ZFHX3: variants seen among roughly 807,000 people sequenced by gnomAD.
ZFHX3 encodes the protein zinc finger homeobox protein 3.
A neutral mutation model predicts 279.1 loss-of-function variants in ZFHX3; 42 were observed. The ratio of observed to expected loss-of-function variants is 0.15; its 90% CI spans 0.12 to 0.19. The LOEUF is 0.19. Among genes scored for constraint, ZFHX3 ranks in the 10% least tolerant of loss-of-function variants. The probability of loss-of-function intolerance (pLI) is 1.00; values close to 1 mark genes in which losing one functional copy is unlikely to be tolerated. For synonymous variants in ZFHX3, 2,293 were observed against 1,957.8 expected, an observed-to-expected ratio of 1.17 and a Z score of -4.52; for missense variants, 4,981 against 4,754.0, an observed-to-expected ratio of 1.05 and a Z score of -1.40.
chr16:73,120,484 G>A (rs1050124645), intron 7 of ZFHX3, among the ~76,000 whole-genome samples: 3 of 151,956 alleles, frequency 2.0e-5, no homozygotes, highest in African/African-American at 7.2e-5. Flanking sequence ...CCATTGCCCA[G>A]GCTACTCTCA....
At chr16:73,374,228 C>CAT (rs1034190505) in intron 3 of ZFHX3, among the ~76,000 whole-genome samples, 4 of 152,098 alleles carry the variant, frequency 2.6e-5, no homozygotes, top group African/African-American at 7.2e-5. Flanking sequence ...TATATACAGA[C>CAT]ATATATATAA....
chr16:73,758,233 AATTCATTCATTCATTC>A (rs5817875), intron 1 of ZFHX3, among the ~76,000 whole-genome samples: 3 of 150,722 alleles, frequency 2.0e-5, no homozygotes, highest in East Asian at 1.9e-4. Flanking sequence ...TGTTACTAGA[AATTCATTCATTCATTC>A]ATTCATTCAT....
intron 4 of ZFHX3, among the ~76,000 whole-genome samples, chr16:72,835,985 A>G (rs1597292022): frequency 6.6e-6 from 1 of 152,204 alleles, no homozygotes; most frequent in East Asian, 1.9e-4. Flanking sequence ...GATGACTACT[A>G]AGGCCTAGAC....
intron 2 of ZFHX3, among the ~76,000 whole-genome samples, chr16:73,603,234 A>G (rs35959733): frequency 0.55 from 82,397 of 149,844 alleles, 25,929 homozygotes; most frequent in East Asian, 0.81. Flanking sequence ...GCAGTGAGCC[A>G]AGATTGCGAC....
intron 3 of ZFHX3, among the ~76,000 whole-genome samples, chr16:73,424,240 T>C (rs1388714744): frequency 6.6e-6 from 1 of 152,190 alleles, no homozygotes; most frequent in Non-Finnish European, 1.5e-5. Context: ...TAGTCATGCT[T>C]CCTGACTCAT....
At chr16:73,583,959 G>A (rs1214999607) in intron 2 of ZFHX3, among the ~76,000 whole-genome samples, 1 of 151,822 alleles carries the variant, frequency 6.6e-6, no homozygotes, top group Non-Finnish European at 1.5e-5. Context: ...ACATGAAAGG[G>A]CAAATAAAAA....
chr16:73,705,098 C>T (rs1336177003), intron 1 of ZFHX3, among the ~76,000 whole-genome samples: 2 of 152,248 alleles, frequency 1.3e-5, no homozygotes, highest in South Asian at 2.1e-4. Context: ...AACCTCAAGA[C>T]AAGAGCATAC....
intron 3 of ZFHX3, among the ~76,000 whole-genome samples, chr16:73,424,745 C>T (rs1381889300): frequency 1.4e-4 from 14 of 97,648 alleles, no homozygotes; most frequent in Non-Finnish European, 2.4e-4. Context: ...CAGAGTGATA[C>T]CCTGTGTCAA....
intron 5 of ZFHX3, among the ~76,000 whole-genome samples, chr16:73,205,150 A>G (rs1423559180): frequency 6.6e-6 from 1 of 152,150 alleles, no homozygotes; most frequent in African/African-American, 2.4e-5. Flanking sequence ...TCTTGAGTGA[A>G]GGGCTGAGTC....
In ZFHX3 at chr16:72,793,017, A is replaced by C. The variant is rs2035764724; in HGVS notation, c.9427+238T>G. Among the ~76,000 whole-genome samples, 1 of 152,218 alleles carries C rather than the reference A, an allele frequency of 6.6e-6. No homozygotes were observed. Among genetic ancestry groups the C allele is most frequent in the South Asian group, 2.1e-4 (1 of 4,832 alleles). ...TGCCAGGACCCTCAAGTTTTTCCCTATTATAGGGGATAAGAGTGGTTTCAA... is the reference window on the plus strand; with the variant it reads ...TGCCAGGACCCTCAAGTTTTTCCCTCTTATAGGGGATAAGAGTGGTTTCAA... On this transcript the variant is annotated intron_variant, in intron 9 of 9. Transcript: ENST00000268489. The surrounding 1 kb of genome is among the most constrained non-coding windows in gnomAD (Gnocchi z 4.3).
intron 5 of ZFHX3, among the ~76,000 whole-genome samples, chr16:73,185,848 G>T (rs1169794311): frequency 6.6e-6 from 1 of 152,108 alleles, no homozygotes; most frequent in Non-Finnish European, 1.5e-5. Flanking sequence ...GGCCTGTCAG[G>T]AGCCGGATCA....
At chr16:73,252,678 G>A (rs1314672235) in intron 5 of ZFHX3, among the ~76,000 whole-genome samples, 1 of 152,114 alleles carries the variant, frequency 6.6e-6, no homozygotes, top group African/African-American at 2.4e-5. Context: ...AAGGGGAGGA[G>A]CAGCAAATGT....
chr16:73,319,015 C>T (rs977588884), intron 3 of ZFHX3, among the ~76,000 whole-genome samples: 1 of 151,796 alleles, frequency 6.6e-6, no homozygotes. Context: ...TCGGCCCACA[C>T]GCAGCCTGGC....
At chr16:73,286,561 G>C (rs746819814) in intron 4 of ZFHX3, among the ~76,000 whole-genome samples, 4 of 150,568 alleles carry the variant, frequency 2.7e-5, no homozygotes, top group Non-Finnish European at 5.9e-5. Context: ...GTGTGCGTTG[G>C]TGTGTGGCTG....
intron 5 of ZFHX3, among the ~76,000 whole-genome samples, chr16:73,165,517 A>G (rs1180908873): frequency 2.0e-5 from 3 of 152,178 alleles, no homozygotes; most frequent in Non-Finnish European, 1.5e-5. Context: ...TTGGCAGAAT[A>G]AAATGGCAAA....
chr16:73,461,195 G>A (rs1193232596), intron 2 of ZFHX3, among the ~76,000 whole-genome samples: 3 of 152,044 alleles, frequency 2.0e-5, no homozygotes, highest in Non-Finnish European at 4.4e-5. Flanking sequence ...TGCCATTTGT[G>A]TACCATCGTT....
chr16:73,370,718 C>G (rs2016613717), intron 3 of ZFHX3, among the ~76,000 whole-genome samples: 1 of 152,206 alleles, frequency 6.6e-6, no homozygotes, highest in African/African-American at 2.4e-5. Context: ...GCTCAGCATC[C>G]TGATCCAATC....
chr16:73,825,793 TG>T (rs1960872583), intron 1 of ZFHX3, among the ~76,000 whole-genome samples: 1 of 65,014 alleles, frequency 1.5e-5, no homozygotes, highest in Non-Finnish European at 2.8e-5. Flanking sequence ...CATGCTGTTT[TG>T]GTTACTGTAG....
intron 3 of ZFHX3, among the ~76,000 whole-genome samples, chr16:73,443,419 T>C (rs1433479906): frequency 2.6e-5 from 4 of 152,220 alleles, no homozygotes; most frequent in Admixed American, 6.5e-5. Flanking sequence ...AGATCTTTCA[T>C]GCAAAGTTTT....
Sources: gnomAD v4.1 joint callset for allele counts (sites outside exome capture counted in the v4.1 genomes callset) on GRCh38, gnomAD v4.1.1 for gene constraint, Gnocchi (gnomAD v3.1) non-coding constraint, MANE v1.5 for transcripts, NCBI Gene and HGNC (gene_info 2026-07-23, HGNC 2026-07-21) for gene names.